The following PCCA variants were observed in gnomAD, a reference collection of about 807,000 sequenced individuals.
The protein encoded by PCCA is propionyl-CoA carboxylase subunit alpha.
In PCCA, 74 loss-of-function variants were observed where a neutral mutation model predicts 101.3. That is an observed-to-expected ratio of 0.73 (90% CI 0.61 to 0.89). The LOEUF (loss-of-function observed/expected upper bound fraction) is 0.89, where lower values mean the gene tolerates loss of function less well. PCCA is among the 40% of genes least tolerant of loss of function. PCCA has a pLI of 0.00. For synonymous variants in PCCA, 294 were observed against 313.6 expected (o/e 0.94, Z 0.66); for missense variants, 891 against 907.0 (o/e 0.98, Z 0.23).
intron 12 of PCCA, among the ~76,000 whole-genome samples, chr13:100,281,498 T>A (rs2064116985): frequency 6.6e-6 from 1 of 152,198 alleles, no homozygotes. Flanking sequence ...CCCCCAAGGA[T>A]AAGGGGGGAC....
intron 4 of PCCA, among the ~76,000 whole-genome samples, chr13:100,114,124 G>A (rs2048576451): frequency 6.6e-6 from 1 of 152,046 alleles, no homozygotes; most frequent in South Asian, 2.1e-4. Flanking sequence ...CATCAAGTTA[G>A]AAAGCTTCTA....
intron 18 of PCCA, among the ~76,000 whole-genome samples, chr13:100,364,679 G>T (rs974572161): frequency 2.0e-5 from 3 of 152,140 alleles, no homozygotes; most frequent in African/African-American, 7.2e-5. Flanking sequence ...TCACAGTTTC[G>T]ACTCTGTTTT....
At chr13:100,403,131 T>C (rs559965162) in intron 19 of PCCA, among the ~76,000 whole-genome samples, 196 of 151,986 alleles carry the variant, frequency 1.3e-3, no homozygotes, top group Non-Finnish European at 2.2e-3. Context: ...AGGTTGGAGA[T>C]GGGGCTTTGG....
intron 18 of PCCA, among the ~76,000 whole-genome samples, chr13:100,347,935 G>A (rs1049313187): frequency 7.3e-5 from 11 of 150,338 alleles, no homozygotes; most frequent in Admixed American, 7.3e-4. Context: ...AGTAAATATA[G>A]TGTTCTTCTT....
At chr13:100,434,019 G>A (rs2079747709) in intron 20 of PCCA, among the ~76,000 whole-genome samples, 1 of 152,224 alleles carries the variant, frequency 6.6e-6, no homozygotes. Context: ...AATGCTAGTA[G>A]GCTGAGAGGA....
intron 21 of PCCA, chr13:100,481,263 AAATAAT>A (rs2083901229): frequency 6.6e-6 from 1 of 152,216 alleles, no homozygotes; most frequent in South Asian, 2.1e-4. Flanking sequence ...TTGTGAAGTC[AAATAAT>A]AGTTCCTGCC....
At chr13:100,505,246 C>A (rs2152991201) in intron 21 of PCCA, among the ~76,000 whole-genome samples, 1 of 152,314 alleles carries the variant, frequency 6.6e-6, no homozygotes, top group East Asian at 1.9e-4. Flanking sequence ...GTATTTAGGT[C>A]AGGAGCCATT....
chr13:100,440,001 A>G (rs2080219574), intron 20 of PCCA, among the ~76,000 whole-genome samples: 1 of 151,794 alleles, frequency 6.6e-6, no homozygotes, highest in Admixed American at 6.6e-5. Context: ...GCACCACTGC[A>G]TTCTATATTG....
At chr13:100,106,139 T>G (rs898814669) in intron 2 of PCCA, among the ~76,000 whole-genome samples, 1 of 150,138 alleles carries the variant, frequency 6.7e-6, no homozygotes, top group African/African-American at 2.5e-5. Context: ...CAGAATATTG[T>G]TTTTTTTTGC....
At chr13:100,213,097 C>CATTGTAT (rs2059321148) in intron 7 of PCCA, among the ~76,000 whole-genome samples, 2 of 152,124 alleles carry the variant, frequency 1.3e-5, no homozygotes, top group African/African-American at 4.8e-5. Context: ...AATAGTACTC[C>CATTGTAT]ATTGTATATA....
At chr13:100,293,305 CAG>C in intron 12 of PCCA, 1 of 463,054 alleles carries the variant, frequency 2.2e-6, no homozygotes, top group Non-Finnish European at 4.5e-6. Flanking sequence ...CTAATCTCAT[CAG>C]GGGGAATTCT....
chr13:100,175,122 G>A (rs2056114095), intron 6 of PCCA, among the ~76,000 whole-genome samples: 1 of 152,140 alleles, frequency 6.6e-6, no homozygotes, highest in Non-Finnish European at 1.5e-5. Context: ...TGATATCTAA[G>A]TAATTGGTTA....
intron 4 of PCCA, among the ~76,000 whole-genome samples, chr13:100,126,474 A>C (rs1236399841): frequency 6.6e-6 from 1 of 152,090 alleles, no homozygotes. Flanking sequence ...TAACACATGA[A>C]CTATGGACAA....
At chr13:100,351,984 G>A (rs925270919) in intron 18 of PCCA, among the ~76,000 whole-genome samples, 2 of 152,008 alleles carry the variant, frequency 1.3e-5, no homozygotes, top group African/African-American at 4.8e-5. Context: ...TGTAATGCCC[G>A]GGGTAACCAC....
At chr13:100,154,562 C>T (rs2053678455) in intron 4 of PCCA, 1 of 274,084 alleles carries the variant, frequency 3.6e-6, no homozygotes, top group South Asian at 4.1e-5. Flanking sequence ...CCATTCAGTC[C>T]CTCTAATTAT....
intron 21 of PCCA, among the ~76,000 whole-genome samples, chr13:100,453,406 G>A (rs920483992): frequency 6.6e-6 from 1 of 152,010 alleles, no homozygotes; most frequent in Non-Finnish European, 1.5e-5. Context: ...GGAGGCTGAG[G>A]CAGGAGAATC....
chr13:100,458,141 A>C (rs2081884225), intron 21 of PCCA, among the ~76,000 whole-genome samples: 1 of 152,108 alleles, frequency 6.6e-6, no homozygotes, highest in Non-Finnish European at 1.5e-5. Flanking sequence ...CTTTCAATCC[A>C]AGCATAAGGT....
intron 21 of PCCA, among the ~76,000 whole-genome samples, chr13:100,494,099 G>T (rs2152983652): frequency 6.6e-6 from 1 of 152,216 alleles, no homozygotes; most frequent in South Asian, 2.1e-4. Context: ...TGAGGCGGGA[G>T]AAGGGCTTGA....
At chr13:100,403,282 G>C (rs1319574021) in intron 19 of PCCA, among the ~76,000 whole-genome samples, 1 of 152,178 alleles carries the variant, frequency 6.6e-6, no homozygotes, top group Non-Finnish European at 1.5e-5. Context: ...GTTGGGAAGG[G>C]CCAAACAAAC....
Sources: allele counts gnomAD v4.1 joint callset (sites outside exome capture counted in the v4.1 genomes callset), GRCh38; gene constraint gnomAD v4.1.1; transcripts MANE v1.5; gene names NCBI Gene and HGNC (gene_info 2026-07-23, HGNC 2026-07-21).